MEF2A: variants seen among roughly 807,000 people sequenced by gnomAD.
The protein encoded by MEF2A is myocyte enhancer factor 2A.
In MEF2A, 28 loss-of-function variants were observed where a neutral mutation model predicts 55.8. The ratio of observed to expected loss-of-function variants is 0.50; its 90% CI spans 0.37 to 0.69. The LOEUF (loss-of-function observed/expected upper bound fraction) is 0.69, where lower values mean the gene tolerates loss of function less well. MEF2A is among the 30% of genes least tolerant of loss of function. The pLI is 0.00. For synonymous variants in MEF2A, 239 were observed against 227.1 expected, an observed-to-expected ratio of 1.05 and a Z score of -0.47; for missense variants, 528 against 626.2, an observed-to-expected ratio of 0.84 and a Z score of 1.67.
intron 7 of MEF2A, among the ~76,000 whole-genome samples, chr15:99,677,276 T>C (rs926170329): frequency 3.3e-5 from 5 of 152,126 alleles, no homozygotes; most frequent in African/African-American, 1.2e-4. Flanking sequence ...TCCTGGGAAC[T>C]CCAGAATTTG....
At chr15:99,690,534 T>C (rs1365745782) in intron 8 of MEF2A, 106 bp downstream of exon 8, 1 of 915,078 alleles carries the variant, frequency 1.1e-6, no homozygotes, top group Non-Finnish European at 1.7e-6. Flanking sequence ...AATCTACACC[T>C]ATTCCTAATA....
chr15:99,605,394 G>A (rs1974697021), intron 2 of MEF2A, among the ~76,000 whole-genome samples: 1 of 152,096 alleles, frequency 6.6e-6, no homozygotes, highest in Non-Finnish European at 1.5e-5. Context: ...ATATTCACAG[G>A]TTCTGGCAAT....
At chr15:99,683,801 G>A (rs1282198626) in intron 7 of MEF2A, among the ~76,000 whole-genome samples, 4 of 151,762 alleles carry the variant, frequency 2.6e-5, no homozygotes, top group African/African-American at 9.7e-5. Context: ...GGTGATTTTG[G>A]AGTTCACCAG....
At chr15:99,604,616 A>G (rs2153112500) in intron 2 of MEF2A, among the ~76,000 whole-genome samples, 1 of 148,866 alleles carries the variant, frequency 6.7e-6, no homozygotes, top group Admixed American at 6.6e-5. Flanking sequence ...ATTGACTTTT[A>G]TTATATGGGC....
chr15:99,696,568 G>A (rs1016203757), intron 8 of MEF2A, among the ~76,000 whole-genome samples: 43 of 151,948 alleles, frequency 2.8e-4, no homozygotes, highest in African/African-American at 1.0e-3. Context: ...TGGAAATACA[G>A]CATCAAAATT....
At chr15:99,621,372 AT>A (rs953396846) in intron 2 of MEF2A, among the ~76,000 whole-genome samples, 29 of 147,008 alleles carry the variant, frequency 2.0e-4, no homozygotes, top group Admixed American at 3.4e-4. Flanking sequence ...TATTTTTCTC[AT>A]TTTTTTTTTC....
At chr15:99,567,240 C>T (rs1415453765) in intron 1 of MEF2A, among the ~76,000 whole-genome samples, 1 of 152,158 alleles carries the variant, frequency 6.6e-6, no homozygotes, top group Non-Finnish European at 1.5e-5. Flanking sequence ...ATTAGAAAGG[C>T]CTGCTGTGAT....
At chr15:99,673,981 C>T (rs1251815097) in intron 5 of MEF2A, among the ~76,000 whole-genome samples, 3 of 151,738 alleles carry the variant, frequency 2.0e-5, no homozygotes, top group Non-Finnish European at 2.9e-5. Flanking sequence ...TTTCTCCTTC[C>T]GTTATATTTG....
At chr15:99,573,868 C>T (rs1161023551) in intron 1 of MEF2A, among the ~76,000 whole-genome samples, 2 of 152,074 alleles carry the variant, frequency 1.3e-5, no homozygotes, top group East Asian at 3.8e-4. Flanking sequence ...ATTGGGGATT[C>T]CTTTGGCAAA....
At chr15:99,680,236 G>A (rs2570799) in intron 7 of MEF2A, among the ~76,000 whole-genome samples, 32,874 of 152,054 alleles carry the variant, frequency 0.22, 4,157 homozygotes, top group South Asian at 0.31. Flanking sequence ...TTAGTAATGG[G>A]CATTTAATTG....
At position 99,714,184 on chromosome 15, in the gene MEF2A, A is replaced by C. The variant is rs1212061116; in HGVS notation, c.*1413A>C. On this transcript the variant is annotated 3_prime_UTR_variant, in exon 12 of 12. Transcript: ENST00000557942. ...GTACATAAATAGCAAAGTGGCAAAA[A>C]AAATTGGTGTTAAGTTCATCCTGCA... The C allele has an allele frequency of 2.6e-5, 4 of 151,966 alleles. No individual in the cohort carries two copies. The highest frequency in any genetic ancestry group is 4.1e-4 in the South Asian group (2 of 4,828). 9.4% of individuals were successfully genotyped at this position (151,966 alleles called of 1,614,324 possible).
At position 99,716,181 on chromosome 15, in the gene MEF2A, GC is replaced by G. The variant is rs2059133222; in HGVS notation, c.*3411del. The G allele has an allele frequency of 5.5e-6, 1 of 181,082 alleles. No homozygotes were observed. Among genetic ancestry groups the G allele is most frequent in the South Asian group, 1.1e-4 (1 of 9,420 alleles). 11.2% of individuals were successfully genotyped at this position (181,082 alleles called of 1,614,324 possible). ...ACACTGCTTTGCTATATTTAAAATGGCTTTTTTAAAAGAGATTTATGTATTT... is the reference window on the plus strand; with the variant it reads ...ACACTGCTTTGCTATATTTAAAATGGTTTTTTAAAAGAGATTTATGTATTT... On this transcript the variant is annotated 3_prime_UTR_variant, in exon 12 of 12. Coordinates refer to ENST00000557942, the MANE Select transcript of MEF2A (RefSeq NM_001319206.4).
At chr15:99,616,364 A>G (rs2040192514) in intron 2 of MEF2A, among the ~76,000 whole-genome samples, 1 of 152,202 alleles carries the variant, frequency 6.6e-6, no homozygotes. Flanking sequence ...TAGCATTTGT[A>G]TAGGACTGCA....
intron 1 of MEF2A, among the ~76,000 whole-genome samples, chr15:99,574,349 G>C (rs1249921911): frequency 6.6e-6 from 1 of 152,168 alleles, no homozygotes; most frequent in Admixed American, 6.5e-5. Flanking sequence ...GAATGGTGGG[G>C]GGAGGGGATG....
intron 10 of MEF2A, among the ~76,000 whole-genome samples, chr15:99,708,145 G>C (rs1162536143): frequency 6.6e-6 from 1 of 152,244 alleles, no homozygotes; most frequent in Non-Finnish European, 1.5e-5. Flanking sequence ...CACCTGCTCT[G>C]TGAGAGACTG....
intron 1 of MEF2A, among the ~76,000 whole-genome samples, chr15:99,579,182 T>C (rs1205839526): frequency 2.0e-5 from 3 of 152,228 alleles, no homozygotes; most frequent in Non-Finnish European, 2.9e-5. Flanking sequence ...AATTGCTCTT[T>C]GTATTTTGTC....
intron 4 of MEF2A, among the ~76,000 whole-genome samples, chr15:99,648,977 CT>C (rs1596787374): frequency 6.6e-6 from 1 of 152,060 alleles, no homozygotes; most frequent in African/African-American, 2.4e-5. Context: ...AAATGGTGCT[CT>C]TATTTTTCTG....
intron 4 of MEF2A, among the ~76,000 whole-genome samples, chr15:99,646,944 AC>A (rs1199326950): frequency 1.3e-5 from 2 of 152,020 alleles, no homozygotes; most frequent in African/African-American, 4.8e-5. Flanking sequence ...CTGTTGCTTG[AC>A]TTATCCATAG....
intron 10 of MEF2A, among the ~76,000 whole-genome samples, chr15:99,708,011 G>A (rs2058230719): frequency 6.6e-6 from 1 of 151,932 alleles, no homozygotes; most frequent in Admixed American, 6.6e-5. Context: ...GCCCAAATTT[G>A]TCAACTGCAT....
Sources: gnomAD v4.1 joint callset for allele counts (sites outside exome capture counted in the v4.1 genomes callset) on GRCh38, gnomAD v4.1.1 for gene constraint, MANE v1.5 for transcripts, NCBI Gene and HGNC (gene_info 2026-07-23, HGNC 2026-07-21) for gene names.